The following DAW1 variants were observed in gnomAD, a reference collection of about 807,000 sequenced individuals.
The protein encoded by DAW1 is dynein assembly factor with WD repeats 1.
In DAW1, 47 loss-of-function variants were observed where a neutral mutation model predicts 56.5. The observed-to-expected ratio is 0.83, with a 90% CI of 0.66 to 1.06. The LOEUF is 1.06. Ranked by LOEUF, DAW1 falls within the 50% of genes least tolerant of loss-of-function variation. The probability of loss-of-function intolerance (pLI) is 0.00; values close to 1 mark genes in which losing one functional copy is unlikely to be tolerated. For missense variants in DAW1, 505 were observed against 499.3 expected, an observed-to-expected ratio of 1.01 and a Z score of -0.11; for synonymous variants, 190 against 179.0, an observed-to-expected ratio of 1.06 and a Z score of -0.49.
chr2:227,880,916 A>T (rs1318337489), intron 1 of DAW1, among the ~76,000 whole-genome samples: 2 of 152,220 alleles, frequency 1.3e-5, no homozygotes, highest in African/African-American at 2.4e-5. Flanking sequence ...TAGCATGTTG[A>T]TGGTAATTAA....
At chr2:227,917,029 C>T (rs930241743) in intron 10 of DAW1, among the ~76,000 whole-genome samples, 16 of 152,058 alleles carry the variant, frequency 1.1e-4, no homozygotes, top group African/African-American at 3.9e-4. Flanking sequence ...ACATTTGACC[C>T]TACACTATGT....
chr2:227,921,091 C>T (rs894964823), intron 11 of DAW1, among the ~76,000 whole-genome samples: 5 of 152,222 alleles, frequency 3.3e-5, no homozygotes, highest in South Asian at 2.1e-4. Context: ...AGAAGGGCAT[C>T]GTGCATCTTT....
At chr2:227,888,947 A>G (rs535408641) in intron 2 of DAW1, among the ~76,000 whole-genome samples, 29 of 152,296 alleles carry the variant, frequency 1.9e-4, no homozygotes, top group Middle Eastern at 6.8e-3. Context: ...TAGTCTTATG[A>G]TGCTTTAAAT....
At chr2:227,918,154 A>T (rs1410452938) in intron 10 of DAW1, among the ~76,000 whole-genome samples, 1 of 93,224 alleles carries the variant, frequency 1.1e-5, no homozygotes, top group African/African-American at 3.7e-5. Flanking sequence ...CCATCCATCC[A>T]TCCATCCATC....
rs910025446 is a variant in DAW1, at chr2:227,882,984, T to C, written c.41-2367T>C. On this transcript the variant is annotated intron_variant, in intron 1 of 12. Coordinates refer to ENST00000309931, the MANE Select transcript of DAW1 (RefSeq NM_178821.3). ...AGTCTTGGGCAGTTCTTTATAGCAATATAAAAACAAACTAATACAGTTGTC... is the reference window on the plus strand; with the variant it reads ...AGTCTTGGGCAGTTCTTTATAGCAACATAAAAACAAACTAATACAGTTGTC... Among the ~76,000 whole-genome samples, 12 of 152,328 alleles carry C rather than the reference T, an allele frequency of 7.9e-5. No individual in the cohort carries two copies. The South Asian group carries it at 2.1e-3, about 26-fold the overall frequency.
intron 6 of DAW1, among the ~76,000 whole-genome samples, chr2:227,902,502 T>C (rs1239810151): frequency 2.6e-5 from 4 of 152,184 alleles, no homozygotes; most frequent in Admixed American, 2.0e-4. Flanking sequence ...AAGATAATAC[T>C]AAGGTCCATG....
chr2:227,902,626 T>C (rs1424997050), intron 6 of DAW1, among the ~76,000 whole-genome samples: 1 of 152,006 alleles, frequency 6.6e-6, no homozygotes, highest in Non-Finnish European at 1.5e-5. Flanking sequence ...TACAAGCCAG[T>C]AGTCTCTTGA....
intron 10 of DAW1, among the ~76,000 whole-genome samples, chr2:227,915,838 A>G (rs1000799145): frequency 3.3e-5 from 5 of 152,090 alleles, no homozygotes; most frequent in South Asian, 2.1e-4. Flanking sequence ...CCTCTTCTTG[A>G]TAACCACATC....
intron 7 of DAW1, among the ~76,000 whole-genome samples, chr2:227,904,551 C>T (rs1009953723): frequency 6.6e-6 from 1 of 152,058 alleles, no homozygotes; most frequent in Non-Finnish European, 1.5e-5. Flanking sequence ...TGTTATTAGC[C>T]CATGGCATCC....
chr2:227,893,992 G>T, intron 5 of DAW1, 75 bp downstream of exon 5: 1 of 1,427,208 alleles, frequency 7.0e-7, no homozygotes. Flanking sequence ...AGAAAGGGAA[G>T]AAGACAAGAG....
At position 227,904,951 on chromosome 2, in the gene DAW1, C is replaced by T. The variant is rs1691644522; in HGVS notation, c.671C>T (p.Ser224Phe). ...TLRGHSAEII[S>F]LSFNTSGDRI... ...TAGGGACATTCTGCCGAAATCATCT[C>T]CTTGTCATTTAACACCTCAGGAGAC... is the stretch of plus-strand genomic sequence containing the variant. The change falls in exon 8 of 13, where the codon TCC (serine) becomes TTC (phenylalanine). Residue 224 changes from serine to phenylalanine, a missense_variant. Coordinates refer to ENST00000309931, the MANE Select transcript of DAW1 (RefSeq NM_178821.3). 1.9e-6 allele frequency: 3 copies of T among 1,613,454 alleles called. No individual in the cohort carries two copies. The highest frequency in any genetic ancestry group is 2.5e-6 in the Non-Finnish European group (3 of 1,179,580).
intron 10 of DAW1, among the ~76,000 whole-genome samples, chr2:227,915,969 A>C (rs938603571): frequency 6.6e-6 from 1 of 152,152 alleles, no homozygotes; most frequent in East Asian, 1.9e-4. Flanking sequence ...TGAAAGTTAC[A>C]TATGATTATA....
At chr2:227,912,383 A>G (rs1308467138) in intron 10 of DAW1, 2 of 1,304,694 alleles carry the variant, frequency 1.5e-6, no homozygotes, top group East Asian at 5.5e-5. Context: ...CTTGGTAATC[A>G]TGTTTGATGT....
intron 10 of DAW1, among the ~76,000 whole-genome samples, chr2:227,916,386 T>G (rs1691952898): frequency 6.6e-6 from 1 of 152,176 alleles, no homozygotes; most frequent in East Asian, 1.9e-4. Context: ...CAAAATCTGC[T>G]TGAGAAGTAC....
At chr2:227,901,918 G>A (rs1267883348) in intron 6 of DAW1, among the ~76,000 whole-genome samples, 1 of 152,186 alleles carries the variant, frequency 6.6e-6, no homozygotes. Context: ...GGTGTACAGG[G>A]AAGGGGTTCT....
chr2:227,890,441 T>A (rs1450296690), intron 3 of DAW1, among the ~76,000 whole-genome samples: 3 of 152,250 alleles, frequency 2.0e-5, no homozygotes, highest in Non-Finnish European at 2.9e-5. Context: ...ATATGCTTTT[T>A]AAATAGTTTT....
chr2:227,891,219 T>G, intron 3 of DAW1, 36 bp from the exon 4 acceptor site: 1 of 1,589,478 alleles, frequency 6.3e-7, no homozygotes, highest in Non-Finnish European at 8.6e-7. Flanking sequence ...TTTAATTTGG[T>G]TTGAGTCTAA....
intron 10 of DAW1, 57 bp downstream of exon 10, chr2:227,907,309 C>A (rs1367216583): frequency 4.2e-6 from 6 of 1,415,132 alleles, no homozygotes; most frequent in South Asian, 1.2e-5. Context: ...TGCTTGATAA[C>A]CATGCATAAT....
rs1692077540 is a variant in DAW1, at chr2:227,920,462, G to T, written c.1051-937G>T. Among the ~76,000 whole-genome samples the T allele has an allele frequency of 2.6e-5, 4 of 152,210 alleles. No homozygotes were observed. The South Asian group carries it at 6.2e-4, about 24-fold the overall frequency. ...ATGTAAGTGTGACACCCAAAGGGAT[G>T]CAGGACTAACAGGTTCCTTTGATGG... On this transcript the variant is annotated intron_variant, in intron 11 of 12. Coordinates refer to ENST00000309931, the MANE Select transcript of DAW1 (RefSeq NM_178821.3).
Sources: allele counts gnomAD v4.1 joint callset (sites outside exome capture counted in the v4.1 genomes callset), GRCh38; gene constraint gnomAD v4.1.1; transcripts MANE v1.5; gene names NCBI Gene and HGNC (gene_info 2026-07-23, HGNC 2026-07-21).